GPC5: variants seen among roughly 807,000 people sequenced by gnomAD.
GPC5 encodes glypican-5.
A neutral mutation model predicts 53.9 loss-of-function variants in GPC5; 47 were observed. The ratio of observed to expected loss-of-function variants is 0.87; its 90% CI spans 0.69 to 1.11. The LOEUF (loss-of-function observed/expected upper bound fraction) is 1.11, where lower values mean the gene tolerates loss of function less well. Among genes scored for constraint, GPC5 ranks in the 50% most tolerant of loss-of-function variants. GPC5 has a pLI of 0.00. For missense variants in GPC5, 748 were observed against 713.1 expected (o/e 1.05, Z -0.56); for synonymous variants, 286 against 263.3 (o/e 1.09, Z -0.84).
chr13:92,245,676 G>A (rs1279114653), intron 7 of GPC5, among the ~76,000 whole-genome samples: 1 of 151,970 alleles, frequency 6.6e-6, no homozygotes, highest in East Asian at 1.9e-4. Context: ...GTTTGACATA[G>A]ATACACAGAT....
chr13:91,609,613 T>C (rs1322414812), intron 2 of GPC5, among the ~76,000 whole-genome samples: 2 of 152,204 alleles, frequency 1.3e-5, no homozygotes, highest in East Asian at 3.8e-4. Context: ...ACAAATTTAT[T>C]ACTCACAGAT....
intron 5 of GPC5, among the ~76,000 whole-genome samples, chr13:91,865,300 GT>G (rs1402393513): frequency 1.3e-5 from 2 of 151,922 alleles, no homozygotes; most frequent in South Asian, 2.1e-4. Flanking sequence ...ATTTTGAAGA[GT>G]TTTTTTCTTT....
intron 6 of GPC5, chr13:92,059,889 T>G (rs2041107886): frequency 1.3e-5 from 2 of 151,930 alleles, no homozygotes; most frequent in African/African-American, 4.8e-5. Context: ...GAGTGCATAA[T>G]GAGGGCTGTA....
At chr13:92,115,810 C>A (rs1157061107) in intron 6 of GPC5, among the ~76,000 whole-genome samples, 4 of 152,126 alleles carry the variant, frequency 2.6e-5, no homozygotes, top group Non-Finnish European at 4.4e-5. Context: ...GTGCACCCCC[C>A]ACCCCCACCG....
chr13:91,873,630 G>A (rs962993292), intron 5 of GPC5, among the ~76,000 whole-genome samples: 1 of 152,116 alleles, frequency 6.6e-6, no homozygotes, highest in Non-Finnish European at 1.5e-5. Flanking sequence ...GTGGAACTGT[G>A]AGACCTTTAA....
chr13:92,757,509 T>C (rs372100739), intron 7 of GPC5, among the ~76,000 whole-genome samples: 121 of 152,074 alleles, frequency 8.0e-4, no homozygotes, highest in Admixed American at 2.7e-3. Flanking sequence ...AGAGCTTCTG[T>C]ACAGCAAAAG....
intron 2 of GPC5, among the ~76,000 whole-genome samples, chr13:91,482,864 GTTTTT>G (rs111997854): frequency 7.0e-6 from 1 of 142,334 alleles, no homozygotes; most frequent in Non-Finnish European, 1.5e-5. Context: ...GAGAATGCAG[GTTTTT>G]TTTTTTTTTG....
chr13:92,707,163 T>C (rs1887979837), intron 7 of GPC5, among the ~76,000 whole-genome samples: 1 of 151,198 alleles, frequency 6.6e-6, no homozygotes, highest in South Asian at 2.1e-4. Context: ...ATGGCTGCTG[T>C]TCAAGCCACC....
At chr13:92,331,140 C>T (rs1249021975) in intron 7 of GPC5, among the ~76,000 whole-genome samples, 1 of 152,114 alleles carries the variant, frequency 6.6e-6, no homozygotes, top group Non-Finnish European at 1.5e-5. Context: ...ATTATCTCTG[C>T]TCAGTCTTGA....
chr13:92,771,509 A>ATT (rs1177952756), intron 7 of GPC5, among the ~76,000 whole-genome samples: 2 of 151,722 alleles, frequency 1.3e-5, no homozygotes, highest in Admixed American at 1.3e-4. Context: ...TGCCCGGCTA[A>ATT]TTTTTTTGCA....
At chr13:92,393,014 G>GT (rs1205617106) in intron 7 of GPC5, among the ~76,000 whole-genome samples, 20 of 152,146 alleles carry the variant, frequency 1.3e-4, no homozygotes, top group African/African-American at 4.8e-4. Context: ...AGCTAAAAGC[G>GT]TAAGTATCAT....
At chr13:91,838,511 G>T (rs1039064217) in intron 5 of GPC5, among the ~76,000 whole-genome samples, 1 of 151,986 alleles carries the variant, frequency 6.6e-6, no homozygotes, top group African/African-American at 2.4e-5. Context: ...GGGAAGAGTT[G>T]AGTAGAGATG....
At chr13:91,416,882 T>C (rs1222269836) in intron 1 of GPC5, among the ~76,000 whole-genome samples, 1 of 152,240 alleles carries the variant, frequency 6.6e-6, no homozygotes, top group Non-Finnish European at 1.5e-5. Context: ...TCCAAGTCTT[T>C]GCTATTGTGA....
At chr13:92,372,310 T>C (rs570662890) in intron 7 of GPC5, among the ~76,000 whole-genome samples, 115 of 152,290 alleles carry the variant, frequency 7.6e-4, no homozygotes, top group African/African-American at 2.7e-3. Context: ...TTGCAAACTT[T>C]TAGCAAAAAG....
chr13:91,747,967 G>C (rs2037088204), intron 4 of GPC5, among the ~76,000 whole-genome samples: 1 of 152,154 alleles, frequency 6.6e-6, no homozygotes, highest in African/African-American at 2.4e-5. Flanking sequence ...AAACATGGTT[G>C]CACATTAGGA....
chr13:92,261,256 T>G (rs1594045827), intron 7 of GPC5, among the ~76,000 whole-genome samples: 1 of 152,208 alleles, frequency 6.6e-6, no homozygotes, highest in East Asian at 1.9e-4. Context: ...TTGTCAATTT[T>G]GCTAGCATAA....
chr13:92,516,228 A>T (rs887617892), intron 7 of GPC5, among the ~76,000 whole-genome samples: 1 of 151,984 alleles, frequency 6.6e-6, no homozygotes, highest in Admixed American at 6.6e-5. Context: ...GTGGGAGAAC[A>T]TACTGAGGTC....
intron 7 of GPC5, among the ~76,000 whole-genome samples, chr13:92,512,388 A>G (rs1594263549): frequency 1.3e-5 from 2 of 152,158 alleles, no homozygotes; most frequent in East Asian, 1.9e-4. Flanking sequence ...TGCACTTAAA[A>G]TGGGAATCCC....
At chr13:91,891,029 A>G (rs2039379840) in intron 5 of GPC5, among the ~76,000 whole-genome samples, 1 of 152,154 alleles carries the variant, frequency 6.6e-6, no homozygotes, top group East Asian at 1.9e-4. Flanking sequence ...AAATTAATCT[A>G]ATTTCAACTT....
Sources: allele counts gnomAD v4.1 joint callset (sites outside exome capture counted in the v4.1 genomes callset), GRCh38; gene constraint gnomAD v4.1.1; transcripts MANE v1.5; gene names NCBI Gene and HGNC (gene_info 2026-07-23, HGNC 2026-07-21).